The following PADI2 variants were observed in gnomAD, a reference collection of about 807,000 sequenced individuals.
The protein encoded by PADI2 is peptidyl arginine deiminase 2, also known as protein-arginine deiminase type-2.
Under a neutral mutation model 81.1 loss-of-function variants are expected in PADI2, and 70 were observed. The observed-to-expected ratio is 0.86, with a 90% CI of 0.71 to 1.05. The LOEUF (loss-of-function observed/expected upper bound fraction) is 1.05. PADI2 is among the 50% of genes least tolerant of loss of function. PADI2 has a pLI of 0.00. For synonymous variants in PADI2, 338 were observed against 358.0 expected (o/e 0.94, Z 0.63); for missense variants, 853 against 889.9 (o/e 0.96, Z 0.53).
intron 13 of PADI2, among the ~76,000 whole-genome samples, chr1:17,073,430 A>G (rs1041542542): frequency 6.6e-6 from 1 of 152,032 alleles, no homozygotes; most frequent in Admixed American, 6.6e-5. Context: ...AAAAAAAAAA[A>G]AAAGTATAAC....
intron 2 of PADI2, among the ~76,000 whole-genome samples, chr1:17,103,457 C>T (rs544994434): frequency 1.6e-4 from 24 of 152,246 alleles, no homozygotes; most frequent in South Asian, 2.1e-4. Flanking sequence ...TTCATAATTA[C>T]GGAACCCAGA....
At position 17,071,480 on chromosome 1, in the gene PADI2, T is replaced by A. The variant is rs770862027; in HGVS notation, c.1561A>T (p.Met521Leu). The change falls in exon 14 of 16, where the codon ATG becomes TTG. Residue 521 changes from methionine (M) to leucine (L), a missense_variant. Coordinates refer to ENST00000375486, the MANE Select transcript of PADI2 (RefSeq NM_007365.3). ...EAIMFKGLGG[M>L]SSKRITINKI... ...TTGATGGTGATTCGCTTGCTGCTCA[T>A]CCCACCCAAGCCTGTGGGGTTCAAA... 5.0e-6 allele frequency: 8 copies of A among 1,613,740 alleles called. No individual in the cohort carries two copies. Among genetic ancestry groups the A allele is most frequent in the Admixed American group, 1.7e-5 (1 of 60,016 alleles).
intron 13 of PADI2, among the ~76,000 whole-genome samples, chr1:17,071,844 T>A (rs180796656): frequency 6.6e-6 from 1 of 152,340 alleles, no homozygotes; most frequent in East Asian, 1.9e-4. Flanking sequence ...CCAGCATGAA[T>A]GTGGCAGAAG....
rs2647186 is a variant in PADI2, at chr1:17,083,644, G to T, written c.1050+82C>A. The T allele has an allele frequency of 0.016, 13,040 of 817,320 alleles. 1,085 individuals carry two copies. The African/African-American group carries it at 0.18, about 11-fold the overall frequency. 50.6% of individuals were successfully genotyped at this position (817,320 alleles called of 1,614,324 possible). A position where few individuals can be genotyped will look rare whatever the true frequency, so the allele number is the denominator to read the frequency against. On this transcript the variant is annotated intron_variant, in intron 9 of 15. Transcript: ENST00000375486. ...ATCCCCATCTGCAGAGCTGCTGGGT[G>T]CCAGGCAGTTCACATGAAGCCAACT...
intron 13 of PADI2, among the ~76,000 whole-genome samples, chr1:17,074,448 T>A (rs2078286684): frequency 6.6e-6 from 1 of 151,866 alleles, no homozygotes; most frequent in African/African-American, 2.4e-5. Flanking sequence ...TTGCCCAGAT[T>A]GGTCTCGAAC....
At chr1:17,073,416 C>CAAAAAAAAAAAAAAAAAA (rs55941211) in intron 13 of PADI2, among the ~76,000 whole-genome samples, 4 of 127,436 alleles carry the variant, frequency 3.1e-5, no homozygotes, top group Non-Finnish European at 6.6e-5. Flanking sequence ...GACTGTGTCT[C>CAAAAAAAAAAAAAAAAAA]AAAAAAAAAA....
rs909560363 is a variant in PADI2, at chr1:17,074,908, C to G, written c.1497G>C (p.Lys499Asn). Residue 499 changes from lysine to asparagine, a missense_variant, in exon 13 of 16, where the codon AAG (lysine) becomes AAC (asparagine). Lys to Asn is a moderately conservative substitution (Grantham distance 94, BLOSUM62 0). Transcript: ENST00000375486. ...LLMASTSACYKLFREKQKDGH... is the reference protein window; with the variant it reads ...LLMASTSACYNLFREKQKDGH... ...CGTCCTTCTGCTTCTCTCGGAAGAGCTTGTAGCAGGCCGAGGTGCTGGCCA... is the reference window on the plus strand; with the variant it reads ...CGTCCTTCTGCTTCTCTCGGAAGAGGTTGTAGCAGGCCGAGGTGCTGGCCA... 22 of 1,613,340 alleles carry G rather than the reference C, an allele frequency of 1.4e-5. No individual in the cohort carries two copies. The highest frequency in any genetic ancestry group is 1.8e-5 in the Non-Finnish European group (21 of 1,179,772).
chr1:17,104,326 A>T lies in PADI2; in HGVS notation c.276+552T>A, dbSNP rs554988801. 2.0e-5 allele frequency among the ~76,000 whole-genome samples: 3 copies of T among 152,002 alleles called. No individual in the cohort carries two copies. In the South Asian group the frequency reaches 6.2e-4, roughly 32 times the overall value. ...CAAACAAAAAACAAACAATTTTGTT[A>T]ATATTTTTTATATTGATAGCATGTC... On this transcript the variant is annotated intron_variant, in intron 2 of 15. Transcript: ENST00000375486.
intron 13 of PADI2, among the ~76,000 whole-genome samples, chr1:17,072,333 G>A (rs1014340156): frequency 6.6e-6 from 1 of 152,216 alleles, no homozygotes; most frequent in Non-Finnish European, 1.5e-5. Flanking sequence ...TAATCTTTGA[G>A]GCTTAGGGAC....
intron 9 of PADI2, 103 bp downstream of exon 9, chr1:17,083,623 C>G (rs1216981725): frequency 1.2e-5 from 9 of 736,156 alleles, no homozygotes; most frequent in Admixed American, 2.0e-5. Context: ...AGAAGAATCC[C>G]CATCTGCAGA....
chr1:17,092,547 G>T lies in PADI2; in HGVS notation c.530-14C>A. On this transcript the variant is annotated splice_polypyrimidine_tract_variant and intron_variant, in intron 5 of 15. Transcript: ENST00000375486. Reference sequence around the variant, plus strand: ...TGTCCTTGAGATCTGAGGGACAGAAGGTGAGAATGAAGAGATCTATCTGTT... The same window carrying T: ...TGTCCTTGAGATCTGAGGGACAGAATGTGAGAATGAAGAGATCTATCTGTT... 1 of 1,574,092 alleles carries T rather than the reference G, an allele frequency of 6.4e-7. No individual in the cohort carries two copies.
intron 10 of PADI2, among the ~76,000 whole-genome samples, chr1:17,080,948 G>T (rs1557760800): frequency 6.6e-6 from 1 of 152,226 alleles, no homozygotes; most frequent in Non-Finnish European, 1.5e-5. Flanking sequence ...TGGGGCCCCA[G>T]CTGGCAACAT....
intron 7 of PADI2, among the ~76,000 whole-genome samples, chr1:17,085,225 GA>G (rs1314246568): frequency 6.6e-6 from 1 of 152,204 alleles, no homozygotes; most frequent in Admixed American, 6.6e-5. Context: ...TTGTTTTAAG[GA>G]ATGGTCAAGC....
chr1:17,113,070 C>T (rs140992367), intron 1 of PADI2, among the ~76,000 whole-genome samples: 233 of 152,310 alleles, frequency 1.5e-3, no homozygotes, highest in Non-Finnish European at 3.1e-3. Flanking sequence ...TCCCTGATCT[C>T]ATCAGCCAGA....
chr1:17,107,147 C>CAT (rs1931409501), intron 1 of PADI2, among the ~76,000 whole-genome samples: 1 of 152,134 alleles, frequency 6.6e-6, no homozygotes, highest in African/African-American at 2.4e-5. Context: ...GTGGGATTCT[C>CAT]GTGGGATTTG....
chr1:17,093,552 A>T lies in PADI2; in HGVS notation c.529+15T>A, dbSNP rs1168513375. On this transcript the variant is annotated intron_variant, in intron 5 of 15. Transcript: ENST00000375486. ...TCCTCTCATCCTGCCCCCCAAGTGCAGGGCCTGCTGGCACCTTCCTTGCTG... is the reference window on the plus strand; with the variant it reads ...TCCTCTCATCCTGCCCCCCAAGTGCTGGGCCTGCTGGCACCTTCCTTGCTG... 6.7e-7 allele frequency: 1 copy of T among 1,503,280 alleles called. No individual in the cohort carries two copies. Among genetic ancestry groups the T allele is most frequent in the African/African-American group, 1.4e-5 (1 of 72,800 alleles). 93.1% of individuals were successfully genotyped at this position (1,503,280 alleles called of 1,614,324 possible).
intron 1 of PADI2, among the ~76,000 whole-genome samples, chr1:17,113,064 T>A (rs1461009847): frequency 6.6e-6 from 1 of 152,196 alleles, no homozygotes; most frequent in Non-Finnish European, 1.5e-5. Context: ...AAGTCATCCC[T>A]GATCTCATCA....
At chr1:17,083,887 G>T (rs374367655) in intron 8 of PADI2, 50 bp from the exon 9 acceptor site, 2 of 1,083,882 alleles carry the variant, frequency 1.8e-6, no homozygotes, top group Admixed American at 1.7e-5. Context: ...GTGAGGAGGG[G>T]CCAGAGTCAT....
intron 1 of PADI2, among the ~76,000 whole-genome samples, chr1:17,106,918 AC>A (rs35821832): frequency 0.067 from 10,198 of 152,114 alleles, 431 homozygotes; most frequent in South Asian, 0.17. Flanking sequence ...CGTCACCAGA[AC>A]CCCGACCATG....
Sources: gnomAD v4.1 joint callset for allele counts (sites outside exome capture counted in the v4.1 genomes callset) on GRCh38, gnomAD v4.1.1 for gene constraint, MANE v1.5 for transcripts, NCBI Gene and HGNC (gene_info 2026-07-23, HGNC 2026-07-21) for gene names.